JARID2: variants seen among roughly 807,000 people sequenced by gnomAD.
JARID2 encodes the protein protein Jumonji.
A neutral mutation model predicts 125.6 loss-of-function variants in JARID2; 21 were observed. The observed-to-expected ratio is 0.17, with a 90% CI of 0.12 to 0.24. The LOEUF (loss-of-function observed/expected upper bound fraction) is 0.24. Among genes scored for constraint, JARID2 ranks in the 10% least tolerant of loss-of-function variants. The pLI is 1.00. For synonymous variants in JARID2, 736 were observed against 661.6 expected (o/e 1.11, Z -1.73); for missense variants, 1,303 against 1,639.6 (o/e 0.79, Z 3.55).
rs1305176500 is a variant in JARID2 at position 15,290,294 on chromosome 6, G to A, written c.45+43710G>A. Among the ~76,000 whole-genome samples, 3 of 152,160 alleles carry A rather than the reference G, an allele frequency of 2.0e-5. No individual in the cohort carries two copies. In the South Asian group the frequency reaches 6.2e-4, roughly 32 times the overall value. Reference sequence around the variant, plus strand: ...ACATACCACAATTTATTGATGTGCTGGCTGATAAACTTTAGATTGTTTCCC... The same window carrying A: ...ACATACCACAATTTATTGATGTGCTAGCTGATAAACTTTAGATTGTTTCCC... On this transcript the variant is annotated intron_variant, in intron 1 of 17. Coordinates refer to ENST00000341776, the MANE Select transcript of JARID2 (RefSeq NM_004973.4).
chr6:15,447,301 G>T lies in JARID2; in HGVS notation c.324-4705G>T, dbSNP rs79588092. Among the ~76,000 whole-genome samples, 1,099 of 152,200 alleles carry T rather than the reference G, an allele frequency of 7.2e-3. 13 individuals carry two copies. The highest frequency in any genetic ancestry group is 0.025 in the African/African-American group (1,045 of 41,518). ...CTTGCTGGAGGGCTTGATTTAATTG[G>T]TTTCATTGACATAAAGGGTACATGT... On this transcript the variant is annotated intron_variant, in intron 3 of 17. Transcript: ENST00000341776.
At chr6:15,324,320 C>T (rs1386432599) in intron 1 of JARID2, 1 of 151,802 alleles carries the variant, frequency 6.6e-6, no homozygotes, top group East Asian at 1.9e-4. Flanking sequence ...CTTGTGTTTC[C>T]TCTTGGAGTT....
intron 2 of JARID2, among the ~76,000 whole-genome samples, chr6:15,406,019 TCTGA>T (rs10556413): frequency 0.017 from 2,649 of 152,322 alleles, 75 homozygotes; most frequent in African/African-American, 0.06. Context: ...ATGTAGGCTG[TCTGA>T]CTATTAATAA....
chr6:15,477,957 C>T (rs771953195), intron 5 of JARID2, among the ~76,000 whole-genome samples: 1 of 152,122 alleles, frequency 6.6e-6, no homozygotes, highest in Non-Finnish European at 1.5e-5. Flanking sequence ...ATCAGCCTCG[C>T]CAGAACTATG....
chr6:15,323,225 C>T (rs1022832470), intron 1 of JARID2, among the ~76,000 whole-genome samples: 28 of 152,352 alleles, frequency 1.8e-4, no homozygotes, highest in Admixed American at 6.5e-4. Context: ...ATGCATTTCT[C>T]CCTGATTGCC....
At chr6:15,444,569 G>T (rs956647552) in intron 3 of JARID2, among the ~76,000 whole-genome samples, 2 of 151,952 alleles carry the variant, frequency 1.3e-5, no homozygotes, top group African/African-American at 4.8e-5. Context: ...GTGTCTGGGG[G>T]GCGAATGGAG....
intron 3 of JARID2, among the ~76,000 whole-genome samples, chr6:15,441,021 T>C (rs1221046894): frequency 6.6e-6 from 1 of 152,178 alleles, no homozygotes; most frequent in East Asian, 1.9e-4. Flanking sequence ...TAAATAAATT[T>C]CTGTCAGAGC....
chr6:15,353,954 A>G (rs1763513965), intron 1 of JARID2, among the ~76,000 whole-genome samples: 1 of 152,204 alleles, frequency 6.6e-6, no homozygotes. Flanking sequence ...CCTAAAGCGT[A>G]CAGTTTAAGA....
chr6:15,297,502 T>TA (rs1157998729), intron 1 of JARID2, among the ~76,000 whole-genome samples: 1 of 151,514 alleles, frequency 6.6e-6, no homozygotes, highest in South Asian at 2.1e-4. Context: ...TTTTTTTTTT[T>TA]AAACTAAAAG....
At chr6:15,258,798 G>T (rs1302751787) in intron 1 of JARID2, among the ~76,000 whole-genome samples, 1 of 152,112 alleles carries the variant, frequency 6.6e-6, no homozygotes, top group African/African-American at 2.4e-5. Flanking sequence ...AAACAAAACA[G>T]CAGAACACCA....
intron 3 of JARID2, among the ~76,000 whole-genome samples, chr6:15,412,544 A>C (rs1365439089): frequency 2.6e-5 from 4 of 152,180 alleles, no homozygotes; most frequent in Admixed American, 2.6e-4. Context: ...CCCAGCCTCA[A>C]GTGACCCACC....
At chr6:15,455,989 G>T (rs1768159090) in intron 4 of JARID2, among the ~76,000 whole-genome samples, 1 of 152,194 alleles carries the variant, frequency 6.6e-6, no homozygotes, top group African/African-American at 2.4e-5. Flanking sequence ...TAGGATGTCT[G>T]AAGATTGCTC....
chr6:15,286,881 C>T (rs1761023579), intron 1 of JARID2, among the ~76,000 whole-genome samples: 1 of 148,940 alleles, frequency 6.7e-6, no homozygotes, highest in Non-Finnish European at 1.5e-5. Context: ...AAAAGCGCCT[C>T]TTAATAGAAG....
Position 15,401,957 on chromosome 6 carries a change from T to G in JARID2, c.182-8267T>G, listed in dbSNP as rs1174009195. Among the ~76,000 whole-genome samples the G allele has an allele frequency of 2.7e-5, 4 of 150,556 alleles. No homozygotes were observed. The East Asian group carries it at 7.9e-4, about 30-fold the overall frequency. ...ACTACTTAATCCTCTCTGAATATAT[T>G]CATTTGAAAAGTAGGAGGGCAGTTG... On this transcript the variant is annotated intron_variant, in intron 2 of 17. Coordinates refer to ENST00000341776, the MANE Select transcript of JARID2 (RefSeq NM_004973.4).
At chr6:15,495,631 G>A (rs1384132433) in intron 6 of JARID2, among the ~76,000 whole-genome samples, 1 of 152,184 alleles carries the variant, frequency 6.6e-6, no homozygotes. Context: ...TCTAAATCCT[G>A]TGGGCAGGTC....
intron 3 of JARID2, among the ~76,000 whole-genome samples, chr6:15,445,967 C>A (rs984263585): frequency 6.6e-6 from 1 of 152,140 alleles, no homozygotes; most frequent in Non-Finnish European, 1.5e-5. Flanking sequence ...TAGACTTCTG[C>A]TGGGATGGCT....
intron 1 of JARID2, among the ~76,000 whole-genome samples, chr6:15,327,800 G>A (rs753080440): frequency 2.0e-5 from 3 of 152,176 alleles, no homozygotes; most frequent in East Asian, 3.8e-4. Flanking sequence ...GGACTGCAAC[G>A]CGGTCTCTGC....
Position 15,513,232 on chromosome 6 carries a change from C to A in JARID2, c.3267-7C>A. Reference sequence around the variant, plus strand: ...TAAAGGTGCGGGCCGTCTCCCGTGTCTGGCAGGGATACAGAGCTGCGGCAG... The same window carrying A: ...TAAAGGTGCGGGCCGTCTCCCGTGTATGGCAGGGATACAGAGCTGCGGCAG... On this transcript the variant is annotated splice_polypyrimidine_tract_variant and splice_region_variant and intron_variant, in intron 15 of 17. Coordinates refer to ENST00000341776, the MANE Select transcript of JARID2 (RefSeq NM_004973.4). 6.4e-7 allele frequency: 1 copy of A among 1,559,478 alleles called. No individual in the cohort carries two copies. Among genetic ancestry groups the A allele is most frequent in the African/African-American group, 1.3e-5 (1 of 74,086 alleles).
intron 1 of JARID2, among the ~76,000 whole-genome samples, chr6:15,272,558 T>A (rs1210031240): frequency 6.6e-6 from 1 of 152,242 alleles, no homozygotes; most frequent in Non-Finnish European, 1.5e-5. Flanking sequence ...CTCTGTGACT[T>A]AGCCATTTCC....
Sources: gnomAD v4.1 joint callset for allele counts (sites outside exome capture counted in the v4.1 genomes callset) on GRCh38, gnomAD v4.1.1 for gene constraint, MANE v1.5 for transcripts, NCBI Gene and HGNC (gene_info 2026-07-23, HGNC 2026-07-21) for gene names.